CNOT1: variants seen among roughly 807,000 people sequenced by gnomAD.
CNOT1 encodes CCR4-NOT transcription complex subunit 1, also known as CCR4-associated factor 1.
Under a neutral mutation model 273.8 loss-of-function variants are expected in CNOT1, and 15 were observed. The ratio of observed to expected loss-of-function variants is 0.05; its 90% CI spans 0.04 to 0.08. The LOEUF (loss-of-function observed/expected upper bound fraction) is 0.08. CNOT1 is among the 10% of genes least tolerant of loss of function. The probability of loss-of-function intolerance (pLI) is 1.00; values close to 1 mark genes in which losing one functional copy is unlikely to be tolerated. For missense variants in CNOT1, 1,644 were observed against 2,912.2 expected, an observed-to-expected ratio of 0.56 and a Z score of 10.02; for synonymous variants, 1,022 against 1,005.5, an observed-to-expected ratio of 1.02 and a Z score of -0.31.
intron 1 of CNOT1, among the ~76,000 whole-genome samples, chr16:58,610,259 A>T (rs896140229): frequency 6.6e-6 from 1 of 152,204 alleles, no homozygotes; most frequent in Non-Finnish European, 1.5e-5. Context: ...CTCTACTAAA[A>T]ATACAAAAAA....
chr16:58,599,890 C>A (rs2042400936), intron 1 of CNOT1, among the ~76,000 whole-genome samples: 1 of 151,984 alleles, frequency 6.6e-6, no homozygotes, highest in Non-Finnish European at 1.5e-5. Flanking sequence ...ATGGTGAAAC[C>A]CGTCTCTACT....
At chr16:58,576,013 C>T (rs1208855604) in intron 14 of CNOT1, among the ~76,000 whole-genome samples, 1 of 152,154 alleles carries the variant, frequency 6.6e-6, no homozygotes, top group Admixed American at 6.6e-5. Context: ...CCTTCCTATC[C>T]TTTTTAAGAA....
In CNOT1 at chr16:58,555,248, T is replaced by C; in HGVS notation, c.2891+3A>G. ...ATCCTTCACAGGAAACCTATCCACT[T>C]ACCTGTTTTTAAATCTATCTAGTGC... On this transcript the variant is annotated splice_donor_region_variant and intron_variant, in intron 21 of 48. Transcript: ENST00000317147. The C allele has an allele frequency of 6.2e-7, 1 of 1,613,640 alleles. No individual in the cohort carries two copies. Among genetic ancestry groups the C allele is most frequent in the Non-Finnish European group, 8.5e-7 (1 of 1,179,846 alleles).
chr16:58,588,837 T>C lies in CNOT1; in HGVS notation c.172A>G (p.Ser58Gly). ...TTGCCACTGCTTTTACCATCGCCAC[T>C]GAAATCCACATGCGAAAATAGGCAG... is the stretch of plus-strand genomic sequence containing the variant. The part of the protein sequence containing the change: ...LRCLFSHVDF[S>G]GDGKSSGKDF... The change falls in exon 3 of 49, where the codon AGT becomes GGT. Residue 58 changes from serine to glycine, a missense_variant. Ser to Gly is a moderately conservative substitution (Grantham distance 56, BLOSUM62 0). This residue lies in a region of CNOT1 where 706 missense variants were observed against 1,021.2 expected (regional missense o/e 0.69). Transcript: ENST00000317147. 1.2e-6 allele frequency: 2 copies of C among 1,613,890 alleles called. No individual in the cohort carries two copies. Among genetic ancestry groups the C allele is most frequent in the Non-Finnish European group, 1.7e-6 (2 of 1,179,972 alleles).
chr16:58,551,435 A>C (rs2040445540), intron 23 of CNOT1, among the ~76,000 whole-genome samples, 154 bp downstream of exon 23: 1 of 152,214 alleles, frequency 6.6e-6, no homozygotes, highest in Admixed American at 6.5e-5. Context: ...TGCCTCTGGG[A>C]AATATAAGGA....
At chr16:58,559,951 A>T in intron 17 of CNOT1, 1 of 965,006 alleles carries the variant, frequency 1.0e-6, no homozygotes, top group Non-Finnish European at 1.6e-6. Flanking sequence ...GAGTCTACGT[A>T]ATTCATATTT....
chr16:58,541,478 A>C, intron 34 of CNOT1, 23 bp downstream of exon 34: 1 of 1,598,500 alleles, frequency 6.3e-7, no homozygotes, highest in Non-Finnish European at 8.5e-7. Context: ...CAAAACACTC[A>C]ATTTAATCTA....
At chr16:58,532,125 T>C (rs2039793316) in intron 41 of CNOT1, 50 bp from the exon 42 acceptor site, 3 of 1,611,468 alleles carry the variant, frequency 1.9e-6, no homozygotes, top group Non-Finnish European at 2.5e-6. Flanking sequence ...TTAAATACAG[T>C]GAACAGCACA....
intron 22 of CNOT1, among the ~76,000 whole-genome samples, chr16:58,552,301 T>C (rs1347303790): frequency 6.6e-6 from 1 of 152,026 alleles, no homozygotes; most frequent in Non-Finnish European, 1.5e-5. Context: ...ATCCTGAAGC[T>C]ATTTCAACAG....
intron 1 of CNOT1, among the ~76,000 whole-genome samples, chr16:58,618,544 T>C (rs1194454224): frequency 6.6e-6 from 1 of 151,754 alleles, no homozygotes; most frequent in Non-Finnish European, 1.5e-5. Flanking sequence ...GATCGCACCA[T>C]TGCACTCCAG....
intron 1 of CNOT1, among the ~76,000 whole-genome samples, chr16:58,617,492 T>C (rs2043132449): frequency 6.6e-6 from 1 of 152,116 alleles, no homozygotes; most frequent in East Asian, 1.9e-4. Flanking sequence ...AGCACAAACA[T>C]GACACTCAAA....
At chr16:58,523,159 C>T (rs866445601) in intron 47 of CNOT1, 9 of 342,844 alleles carry the variant, frequency 2.6e-5, no homozygotes, top group African/African-American at 4.2e-5. Flanking sequence ...GCACGAGAAT[C>T]GCTTGAACCT....
rs762091243 is a variant in CNOT1, at chr16:58,588,832, G to A, written c.177C>T (p.Gly59=). 34 of 1,613,584 alleles carry A rather than the reference G, an allele frequency of 2.1e-5. No individual in the cohort carries two copies. The highest frequency in any genetic ancestry group is 2.5e-5 in the Non-Finnish European group (29 of 1,179,972). The part of the protein sequence containing the change: ...RCLFSHVDFS[G]DGKSSGKDFH... Reference sequence around the variant, plus strand: ...AATCTTTGCCACTGCTTTTACCATCGCCACTGAAATCCACATGCGAAAATA... The same window carrying A: ...AATCTTTGCCACTGCTTTTACCATCACCACTGAAATCCACATGCGAAAATA... Residue 59 remains glycine (G), a synonymous_variant, in exon 3 of 49, where the codon GGC becomes GGT. Transcript: ENST00000317147.
In CNOT1 at chr16:58,542,339, C is replaced by T. The variant is rs756503114; in HGVS notation, c.4576-4G>A. On this transcript the variant is annotated splice_polypyrimidine_tract_variant and splice_region_variant and intron_variant, in intron 32 of 48. Coordinates refer to ENST00000317147, the MANE Select transcript of CNOT1 (RefSeq NM_016284.5). ...CATGTTTTCTCAGCTCAAATTCCTG[C>T]AAACAAAAAAAGTCACTGAGGTTCT... is the stretch of plus-strand genomic sequence containing the variant. 6.2e-7 allele frequency: 1 copy of T among 1,612,654 alleles called. No homozygotes were observed. Among genetic ancestry groups the T allele is most frequent in the Non-Finnish European group, 8.5e-7 (1 of 1,179,704 alleles).
At chr16:58,562,550 A>C (rs1345261080) in intron 16 of CNOT1, among the ~76,000 whole-genome samples, 2 of 147,804 alleles carry the variant, frequency 1.4e-5, no homozygotes, top group African/African-American at 5.0e-5. Context: ...GCGGCCAGGC[A>C]CGGTGGCTCA....
intron 22 of CNOT1, among the ~76,000 whole-genome samples, chr16:58,552,787 C>T (rs1567402468): frequency 6.6e-6 from 1 of 152,146 alleles, no homozygotes; most frequent in Non-Finnish European, 1.5e-5. Flanking sequence ...AGTCAATTAA[C>T]CAACTTTCCT....
intron 10 of CNOT1, 103 bp from the exon 11 acceptor site, chr16:58,581,618 C>T: frequency 7.0e-7 from 1 of 1,424,658 alleles, no homozygotes; most frequent in Non-Finnish European, 9.2e-7. Context: ...AGATGTTCTA[C>T]TTACAAAATT....
At chr16:58,584,344 T>C (rs2041763296) in intron 8 of CNOT1, among the ~76,000 whole-genome samples, 1 of 151,982 alleles carries the variant, frequency 6.6e-6, no homozygotes, top group African/African-American at 2.4e-5. Context: ...TAGTCTCGCT[T>C]TTTTTTGACG....
At chr16:58,619,845 A>G (rs1420426890) in intron 1 of CNOT1, among the ~76,000 whole-genome samples, 1 of 152,212 alleles carries the variant, frequency 6.6e-6, no homozygotes. Context: ...CTATCCAAAT[A>G]AAAGGTTGGG....
Sources: allele counts gnomAD v4.1 joint callset (sites outside exome capture counted in the v4.1 genomes callset), GRCh38; gene constraint gnomAD v4.1.1; regional missense constraint gnomAD v4.1.1; transcripts MANE v1.5; gene names NCBI Gene and HGNC (gene_info 2026-07-23, HGNC 2026-07-21).